Variants in DHDDS observed in about 807,000 individuals in gnomAD.
The protein encoded by DHDDS is dehydrodolichyl diphosphate synthase complex subunit DHDDS.
In DHDDS, 16 loss-of-function variants were observed where a neutral mutation model predicts 46.2. The ratio of observed to expected loss-of-function variants is 0.35; its 90% CI spans 0.23 to 0.53. The LOEUF is 0.53. Ranked by LOEUF, DHDDS falls within the 20% of genes least tolerant of loss-of-function variation. DHDDS has a pLI of 0.94. For missense variants in DHDDS, 340 were observed against 423.7 expected, an observed-to-expected ratio of 0.80 and a Z score of 1.73; for synonymous variants, 151 against 163.1, an observed-to-expected ratio of 0.93 and a Z score of 0.56.
intron 6 of DHDDS, among the ~76,000 whole-genome samples, chr1:26,454,191 G>A (rs951761963): frequency 2.0e-5 from 3 of 152,132 alleles, no homozygotes; most frequent in Non-Finnish European, 2.9e-5. Context: ...CTGACCTCAT[G>A]ATCTGCCCGC....
intron 4 of DHDDS, among the ~76,000 whole-genome samples, chr1:26,444,407 G>T (rs1330278505): frequency 6.6e-6 from 1 of 152,172 alleles, no homozygotes; most frequent in Non-Finnish European, 1.5e-5. Flanking sequence ...AAAACCACTG[G>T]CCTGATTCTG....
chr1:26,434,113 T>C (rs1035440652), intron 2 of DHDDS, among the ~76,000 whole-genome samples: 5 of 152,220 alleles, frequency 3.3e-5, no homozygotes, highest in African/African-American at 1.2e-4. Flanking sequence ...GAGACATTAA[T>C]ATAAAGCAGT....
intron 6 of DHDDS, chr1:26,454,998 T>TCC: frequency 6.7e-7 from 1 of 1,487,516 alleles, no homozygotes; most frequent in Non-Finnish European, 9.4e-7. Flanking sequence ...GCTCCACCAT[T>TCC]GTAACGTCGG....
chr1:26,458,368 C>G (rs1186666709), intron 7 of DHDDS, among the ~76,000 whole-genome samples: 1 of 152,208 alleles, frequency 6.6e-6, no homozygotes, highest in East Asian at 1.9e-4. Context: ...AGGGGAAGTC[C>G]TTGTTCTGGG....
At chr1:26,439,506 C>T (rs2124382707) in intron 3 of DHDDS, among the ~76,000 whole-genome samples, 1 of 152,140 alleles carries the variant, frequency 6.6e-6, no homozygotes, top group Admixed American at 6.6e-5. Flanking sequence ...GACTTGAACC[C>T]TGGAGGTTGA....
intron 3 of DHDDS, among the ~76,000 whole-genome samples, chr1:26,440,650 G>C (rs1476241827): frequency 3.3e-5 from 5 of 152,184 alleles, no homozygotes; most frequent in African/African-American, 7.2e-5. Context: ...ATCCACAGTG[G>C]CTGCCTTGCA....
intron 8 of DHDDS, among the ~76,000 whole-genome samples, chr1:26,460,505 T>G (rs942670248): frequency 1.3e-5 from 2 of 152,234 alleles, no homozygotes; most frequent in Admixed American, 1.3e-4. Context: ...TCAGAGAAAC[T>G]GGCCATTATT....
chr1:26,458,169 C>T (rs1235138569), intron 7 of DHDDS, among the ~76,000 whole-genome samples: 1 of 152,250 alleles, frequency 6.6e-6, no homozygotes, highest in Non-Finnish European at 1.5e-5. Context: ...TGTCTTGCAT[C>T]CCTGAGCGTA....
At chr1:26,468,811 G>GC in intron 8 of DHDDS, 84 bp from the exon 9 acceptor site, 5 of 637,974 alleles carry the variant, frequency 7.8e-6, no homozygotes, top group South Asian at 1.7e-5. Flanking sequence ...CCCACCCTGT[G>GC]CCCCACCCCC....
chr1:26,449,547 T>C (rs1005416195), intron 6 of DHDDS, among the ~76,000 whole-genome samples: 2 of 152,018 alleles, frequency 1.3e-5, no homozygotes, highest in African/African-American at 4.8e-5. Context: ...ACTACAGGTG[T>C]GTGCCACCAT....
At chr1:26,461,145 A>AT (rs2075418104) in intron 8 of DHDDS, among the ~76,000 whole-genome samples, 1 of 152,148 alleles carries the variant, frequency 6.6e-6, no homozygotes, top group Non-Finnish European at 1.5e-5. Flanking sequence ...AAGTGCTGGG[A>AT]TTACAGGCGT....
intron 6 of DHDDS, among the ~76,000 whole-genome samples, chr1:26,451,006 C>T (rs2124451907): frequency 6.6e-6 from 1 of 152,312 alleles, no homozygotes; most frequent in East Asian, 1.9e-4. Context: ...CCTAGTCCAG[C>T]ATGCTTTACC....
intron 4 of DHDDS, among the ~76,000 whole-genome samples, chr1:26,445,399 T>A (rs1272486960): frequency 6.6e-6 from 1 of 152,058 alleles, no homozygotes; most frequent in African/African-American, 2.4e-5. Flanking sequence ...ACACATGAGG[T>A]CGTGTAATGT....
intron 6 of DHDDS, among the ~76,000 whole-genome samples, chr1:26,456,102 AG>A (rs1283517509): frequency 1.3e-5 from 2 of 152,244 alleles, no homozygotes; most frequent in African/African-American, 4.8e-5. Context: ...TGCTTGGGAA[AG>A]TAGCTCTTAT....
Position 26,432,941 on chromosome 1 carries a change from G to A in DHDDS, c.-5G>A. The A allele has an allele frequency of 3.1e-6, 5 of 1,614,190 alleles. No homozygotes were observed. The highest frequency in any genetic ancestry group is 4.2e-6 in the Non-Finnish European group (5 of 1,180,018). The stretch of plus-strand genomic sequence containing the variant: ...CTGGAGTGATCTTCTGACTGGAAAA[G>A]AACTATGTCATGGATCAAGGAAGGA... On this transcript the variant is annotated 5_prime_UTR_variant, in exon 2 of 9. Coordinates refer to ENST00000236342, the MANE Select transcript of DHDDS (RefSeq NM_205861.3).
intron 3 of DHDDS, chr1:26,438,840 A>C (rs552766907): frequency 1.2e-5 from 2 of 162,786 alleles, no homozygotes; most frequent in South Asian, 3.2e-4. Flanking sequence ...TTTATATTTT[A>C]TGCCTCATCC....
chr1:26,433,088 G>A, intron 2 of DHDDS, 80 bp downstream of exon 2: 1 of 1,439,894 alleles, frequency 6.9e-7, no homozygotes, highest in Non-Finnish European at 9.8e-7. Flanking sequence ...TAAAGTTGAT[G>A]ATGTTAAGTG....
rs181517585 is a variant in DHDDS at position 26,445,955 on chromosome 1, G to A, written c.324-361G>A. 9.9e-5 allele frequency among the ~76,000 whole-genome samples: 15 copies of A among 152,118 alleles called. No individual in the cohort carries two copies. The East Asian group carries it at 2.3e-3, about 23-fold the overall frequency. On this transcript the variant is annotated intron_variant, in intron 4 of 8. Coordinates refer to ENST00000236342, the MANE Select transcript of DHDDS (RefSeq NM_205861.3). ...GGAGGATCGCTTAAACCCGGGATGC[G>A]GAGGTTGCAGTGAGCTGAGATTGCG...
chr1:26,447,040 T>A (rs1371727406), intron 5 of DHDDS, among the ~76,000 whole-genome samples: 1 of 152,124 alleles, frequency 6.6e-6, no homozygotes, highest in East Asian at 1.9e-4. Context: ...AGGACGGCAA[T>A]AGGAGCTATT....
Sources: allele counts gnomAD v4.1 joint callset (sites outside exome capture counted in the v4.1 genomes callset), GRCh38; gene constraint gnomAD v4.1.1; transcripts MANE v1.5; gene names NCBI Gene and HGNC (gene_info 2026-07-23, HGNC 2026-07-21).